Variants in LRRIQ3 observed in about 807,000 individuals in gnomAD.
The protein encoded by LRRIQ3 is leucine rich repeats and IQ motif containing 3, also known as leucine-rich repeat and IQ domain-containing protein 3.
Under a neutral mutation model 59.3 loss-of-function variants are expected in LRRIQ3, and 75 were observed. That is an observed-to-expected ratio of 1.26 (90% CI 1.05 to 1.53). The LOEUF is 1.53. LRRIQ3 is among the 40% of genes most tolerant of loss of function. The probability of loss-of-function intolerance (pLI) is 0.00; values close to 1 mark genes in which losing one functional copy is unlikely to be tolerated. For synonymous variants in LRRIQ3, 250 were observed against 231.3 expected (o/e 1.08, Z -0.73); for missense variants, 831 against 710.0 (o/e 1.17, Z -1.94).
At chr1:74,145,806 A>G (rs1357223067) in intron 4 of LRRIQ3, among the ~76,000 whole-genome samples, 1 of 152,024 alleles carries the variant, frequency 6.6e-6, no homozygotes, top group Non-Finnish European at 1.5e-5. Context: ...TCTCTATCAT[A>G]TCTATGAAGT....
intron 4 of LRRIQ3, among the ~76,000 whole-genome samples, chr1:74,142,410 C>G (rs1416242451): frequency 1.3e-5 from 2 of 151,858 alleles, no homozygotes; most frequent in Non-Finnish European, 2.9e-5. Context: ...TAGTGTTTAC[C>G]TACTTTCCCA....
At chr1:74,173,271 T>C (rs1649437356) in intron 3 of LRRIQ3, among the ~76,000 whole-genome samples, 1 of 31,524 alleles carries the variant, frequency 3.2e-5, no homozygotes, top group South Asian at 1.5e-3. Context: ...CACTCCAGAC[T>C]GGGCAAGAGT....
At chr1:74,056,261 T>C (rs748106718) in intron 6 of LRRIQ3, among the ~76,000 whole-genome samples, 2 of 152,030 alleles carry the variant, frequency 1.3e-5, no homozygotes, top group African/African-American at 2.4e-5. Context: ...CCATAGCTCA[T>C]ATCATACACA....
At chr1:74,050,638 T>C (rs1654343173) in intron 6 of LRRIQ3, 1 of 951,322 alleles carries the variant, frequency 1.1e-6, no homozygotes, top group Non-Finnish European at 1.3e-6. Flanking sequence ...TGCTCACAAG[T>C]GGGTCTGAAG....
chr1:74,151,011 CTTT>C lies in LRRIQ3; in HGVS notation c.707+4719_707+4721del, dbSNP rs59890149. On this transcript the variant is annotated intron_variant, in intron 4 of 7. Coordinates refer to ENST00000354431, the MANE Select transcript of LRRIQ3 (RefSeq NM_001105659.2). ...AGAAATAGTTATTGAATGATGCTTT[CTTT>C]TTTTTTTTTTTTTTTTTTTTTTTAG... 3.7e-3 allele frequency among the ~76,000 whole-genome samples: 232 copies of C among 63,404 alleles called. 1 individual carries two copies. Among genetic ancestry groups the C allele is most frequent in the African/African-American group, 8.7e-3 (160 of 18,338 alleles). The allele number at this position is 63,404 out of a possible 152,430, so 41.6% of individuals were successfully genotyped here. A position where few individuals can be genotyped will look rare whatever the true frequency, so the allele number is the denominator to read the frequency against.
intron 5 of LRRIQ3, among the ~76,000 whole-genome samples, chr1:74,107,356 A>G (rs1646629251): frequency 6.6e-6 from 1 of 151,522 alleles, no homozygotes; most frequent in Non-Finnish European, 1.5e-5. Flanking sequence ...TTAAATGTTC[A>G]TGTTTTCTCA....
At chr1:74,139,712 T>C (rs373448905) in intron 4 of LRRIQ3, among the ~76,000 whole-genome samples, 104 of 151,902 alleles carry the variant, frequency 6.8e-4, no homozygotes, top group East Asian at 5.6e-3. Flanking sequence ...ACTGACTATA[T>C]AAAAATAAAA....
chr1:74,080,516 A>C (rs1399314549), intron 5 of LRRIQ3, among the ~76,000 whole-genome samples: 1 of 151,732 alleles, frequency 6.6e-6, no homozygotes, highest in Admixed American at 6.6e-5. Flanking sequence ...TTCTAGATCA[A>C]GAATAAACAC....
intron 4 of LRRIQ3, among the ~76,000 whole-genome samples, chr1:74,124,538 A>T (rs1275847891): frequency 6.6e-6 from 1 of 151,972 alleles, no homozygotes; most frequent in Non-Finnish European, 1.5e-5. Flanking sequence ...ATTTTTCTAT[A>T]TGGTCAGAGA....
intron 6 of LRRIQ3, among the ~76,000 whole-genome samples, chr1:74,069,972 C>A (rs539921386): frequency 6.6e-6 from 1 of 151,882 alleles, no homozygotes; most frequent in Non-Finnish European, 1.5e-5. Flanking sequence ...AGTCAAAAAA[C>A]GACAGATACT....
chr1:74,028,450 A>G (rs926120700), intron 7 of LRRIQ3, among the ~76,000 whole-genome samples: 1 of 152,064 alleles, frequency 6.6e-6, no homozygotes, highest in African/African-American at 2.4e-5. Flanking sequence ...ATATTAAATA[A>G]TTAATTTTAC....
chr1:74,192,417 C>A (rs1166496641), intron 1 of LRRIQ3, among the ~76,000 whole-genome samples: 1 of 152,056 alleles, frequency 6.6e-6, no homozygotes, highest in Non-Finnish European at 1.5e-5. Context: ...TTCTTGTATT[C>A]CTCTCAAATA....
At chr1:74,184,554 C>T (rs1417684065) in intron 1 of LRRIQ3, among the ~76,000 whole-genome samples, 3 of 151,974 alleles carry the variant, frequency 2.0e-5, no homozygotes, top group East Asian at 1.9e-4. Context: ...TGTGAAAATC[C>T]AGATACACTC....
rs117071598 is a variant in LRRIQ3, at chr1:74,051,246, C to T, written c.998-9313G>A. On this transcript the variant is annotated intron_variant, in intron 6 of 7. Coordinates refer to ENST00000354431, the MANE Select transcript of LRRIQ3 (RefSeq NM_001105659.2). The stretch of plus-strand genomic sequence containing the variant: ...CAAAAATGAAAATAGAGCATTAAAA[C>T]ATTAAAGCAGGAAAACACACTAAAA... Among the ~76,000 whole-genome samples the T allele has an allele frequency of 6.7e-4, 102 of 152,198 alleles. 2 individuals are homozygous for T. In the East Asian group the frequency reaches 0.014, roughly 21 times the overall value.
At chr1:74,136,691 C>G (rs1401197215) in intron 4 of LRRIQ3, among the ~76,000 whole-genome samples, 1 of 151,940 alleles carries the variant, frequency 6.6e-6, no homozygotes, top group Non-Finnish European at 1.5e-5. Context: ...TTATTCCAGT[C>G]AATTTCTCAG....
chr1:74,045,200 C>T (rs1034932141), intron 6 of LRRIQ3, among the ~76,000 whole-genome samples: 1 of 152,034 alleles, frequency 6.6e-6, no homozygotes, highest in Non-Finnish European at 1.5e-5. Context: ...AACATTGATC[C>T]GAAAATCCTC....
chr1:74,031,058 T>C (rs1250280110), intron 7 of LRRIQ3, among the ~76,000 whole-genome samples: 1 of 152,090 alleles, frequency 6.6e-6, no homozygotes, highest in East Asian at 1.9e-4. Context: ...AAAACCACAG[T>C]GAGATATCAT....
chr1:74,083,946 T>C (rs1646299277), intron 5 of LRRIQ3: 1 of 390,868 alleles, frequency 2.6e-6, no homozygotes, highest in Admixed American at 4.5e-5. Context: ...TTAGCTTTCT[T>C]ATATGAGGAA....
chr1:74,128,508 C>A lies in LRRIQ3; in HGVS notation c.708-18955G>T, dbSNP rs1417549904. Among the ~76,000 whole-genome samples, 7 of 152,140 alleles carry A rather than the reference C, an allele frequency of 4.6e-5. No homozygotes were observed. The East Asian group carries it at 1.4e-3, about 30-fold the overall frequency. The stretch of plus-strand genomic sequence containing the variant: ...ATTCTGGACTCCATCTCTATGTTAT[C>A]TTGAATATCTTTGAGTTCCCTCAAG... On this transcript the variant is annotated intron_variant, in intron 4 of 7. Coordinates refer to ENST00000354431, the MANE Select transcript of LRRIQ3 (RefSeq NM_001105659.2).
Sources: allele counts gnomAD v4.1 joint callset (sites outside exome capture counted in the v4.1 genomes callset), GRCh38; gene constraint gnomAD v4.1.1; transcripts MANE v1.5; gene names NCBI Gene and HGNC (gene_info 2026-07-23, HGNC 2026-07-21).